The following NDUFS7 variants were observed in gnomAD, a reference collection of about 807,000 sequenced individuals.
The protein encoded by NDUFS7 is NADH dehydrogenase [ubiquinone] iron-sulfur protein 7, mitochondrial.
Under a neutral mutation model 31.1 loss-of-function variants are expected in NDUFS7, and 11 were observed. The ratio of observed to expected loss-of-function variants is 0.35; its 90% confidence interval spans 0.22 to 0.59. The LOEUF is 0.59. NDUFS7 is among the 20% of genes least tolerant of loss of function. The pLI, the probability that NDUFS7 is intolerant of heterozygous loss-of-function variation, is 0.79. For missense variants in NDUFS7, 263 were observed against 324.2 expected (o/e 0.81, Z 1.45); for synonymous variants, 136 against 127.9 (o/e 1.06, Z -0.43).
chr19:1,391,054 G>A lies in NDUFS7; in HGVS notation c.408+4G>A, dbSNP rs902742253. 9 of 1,612,972 alleles carry A rather than the reference G, an allele frequency of 5.6e-6. No individual in the cohort carries two copies. The African/African-American group carries it at 1.1e-4, about 19-fold the overall frequency. On this transcript the variant is annotated splice_donor_region_variant and intron_variant, in intron 5 of 7. Transcript: ENST00000233627. ...GATGGCCCCAGCGCTTCGCAAGGTAGGCCTCGTCCCAGCCGCCCAGCCGCC... is the reference window on the plus strand; with the variant it reads ...GATGGCCCCAGCGCTTCGCAAGGTAAGCCTCGTCCCAGCCGCCCAGCCGCC...
At chr19:1,391,304 C>T (rs114528449) in intron 6 of NDUFS7, 139 bp downstream of exon 6, 20 of 1,099,534 alleles carry the variant, frequency 1.8e-5, no homozygotes, top group Middle Eastern at 2.9e-4. Flanking sequence ...TCAGCCGTCT[C>T]GGTGCCTCCA....
At chr19:1,392,256 G>C (rs1043514031) in intron 6 of NDUFS7, 1 of 152,138 alleles carries the variant, frequency 6.6e-6, no homozygotes. Context: ...GGGCTCAAGC[G>C]GTCCCCCAAC....
rs112317574 is a variant in NDUFS7 at position 1,393,444 on chromosome 19, C to A, written c.544+114C>A. On this transcript the variant is annotated intron_variant, in intron 7 of 7. Coordinates refer to ENST00000233627, the MANE Select transcript of NDUFS7 (RefSeq NM_024407.5). The surrounding 1 kb of genome is among the most constrained non-coding windows in gnomAD (Gnocchi z 7.3). ...ACCCCCAGCAGACGGCGGGCTCCCCCATCCTATGGATGGGCCGACTCGGAG... is the reference window on the plus strand; with the variant it reads ...ACCCCCAGCAGACGGCGGGCTCCCCAATCCTATGGATGGGCCGACTCGGAG... 2 of 879,368 alleles carry A rather than the reference C, an allele frequency of 2.3e-6. No homozygotes were observed. The highest frequency in any genetic ancestry group is 2.8e-5 in the South Asian group (2 of 70,934). The allele number at this position is 879,368 out of a possible 1,614,324, so 54.5% of individuals were successfully genotyped here. A position where few individuals can be genotyped will look rare whatever the true frequency, so the allele number is the denominator to read the frequency against.
At chr19:1,387,774 G>A (rs746773699) in intron 1 of NDUFS7, 37 bp from the exon 2 acceptor site, 10 of 1,607,332 alleles carry the variant, frequency 6.2e-6, no homozygotes, top group Admixed American at 1.7e-5. Flanking sequence ...CGTGCTGCCC[G>A]CAGCTCACTG....
chr19:1,394,874 C>T, intron 7 of NDUFS7: 3 of 1,125,758 alleles, frequency 2.7e-6, no homozygotes, highest in South Asian at 2.1e-5. Flanking sequence ...TGTTCTGAAC[C>T]TGCGTGGCAG....
chr19:1,387,643 C>G (rs1318017789), intron 1 of NDUFS7, 168 bp from the exon 2 acceptor site: 1 of 667,516 alleles, frequency 1.5e-6, no homozygotes. Context: ...GGGACTAAGA[C>G]TCTCTCGTGT....
At position 1,393,895 on chromosome 19, in the gene NDUFS7, T is replaced by G. The variant is rs2082574338; in HGVS notation, c.544+565T>G. 1 of 233,960 alleles carries G rather than the reference T, an allele frequency of 4.3e-6. No individual in the cohort carries two copies. The highest frequency in any genetic ancestry group is 8.5e-6 in the Non-Finnish European group (1 of 117,142). 14.5% of individuals were successfully genotyped at this position (233,960 alleles called of 1,614,324 possible). A position where few individuals can be genotyped will look rare whatever the true frequency, so the allele number is the denominator to read the frequency against. ...AGAGCATTGGCTGCATACCTGAAAT[T>G]CACATCGCACCGGGAACATTCTTTA... On this transcript the variant is annotated intron_variant, in intron 7 of 7. Transcript: ENST00000233627. The surrounding 1 kb of genome is among the most constrained non-coding windows in gnomAD (Gnocchi z 7.3).
chr19:1,389,009 C>T, intron 4 of NDUFS7, 71 bp downstream of exon 4: 1 of 1,269,972 alleles, frequency 7.9e-7, no homozygotes, highest in South Asian at 1.3e-5. Context: ...CACACACATA[C>T]ACACACCAAC....
At chr19:1,394,762 C>G (rs1450911243) in intron 7 of NDUFS7, 1 of 1,185,170 alleles carries the variant, frequency 8.4e-7, no homozygotes, top group Admixed American at 3.7e-5. Flanking sequence ...TGGGGCCTGG[C>G]CGCCCTTTCC....
chr19:1,394,587 T>G, intron 7 of NDUFS7: 1 of 1,207,808 alleles, frequency 8.3e-7, no homozygotes, highest in Non-Finnish European at 1.1e-6. Context: ...CGGACCGCGC[T>G]CGGCCCTCCC....
chr19:1,388,267 C>T (rs2082522929), intron 2 of NDUFS7: 2 of 596,594 alleles, frequency 3.4e-6, no homozygotes, highest in South Asian at 3.9e-5. Flanking sequence ...GTGGATGATC[C>T]TGGGACCGTC....
At chr19:1,389,407 A>G (rs1430672539) in intron 4 of NDUFS7, 1 of 459,236 alleles carries the variant, frequency 2.2e-6, no homozygotes, top group Non-Finnish European at 4.4e-6. Flanking sequence ...ACACTCACTG[A>G]TGCACACACA....
chr19:1,388,572 T>C lies in NDUFS7; in HGVS notation c.101T>C (p.Val34Ala), dbSNP rs1180392796. Residue 34 changes from valine to alanine, a missense_variant, in exon 3 of 8, where the codon GTG (valine) becomes GCG (alanine). Transcript: ENST00000233627. ...CAGGCACGAGGTGTCCATCAGAGCG[T>C]GGCCACCGATGGCCCAAGCAGGTGA... ...AVQARGVHQS[V>A]ATDGPSSTQP... 1 of 1,612,136 alleles carries C rather than the reference T, an allele frequency of 6.2e-7. No individual in the cohort carries two copies. The highest frequency in any genetic ancestry group is 1.7e-5 in the Admixed American group (1 of 59,990).
rs1024512145 is a variant in NDUFS7 at position 1,393,983 on chromosome 19, C to T, written c.544+653C>T. ...GTCCCACGAGGGCCATCCCCCCGGGCGTTCACCTTGACAGTGGTCCACGGT... is the reference window on the plus strand; with the variant it reads ...GTCCCACGAGGGCCATCCCCCCGGGTGTTCACCTTGACAGTGGTCCACGGT... On this transcript the variant is annotated intron_variant, in intron 7 of 7. Transcript: ENST00000233627. This position sits in a 1 kb window ranked among gnomAD's most constrained non-coding sequence, Gnocchi z 7.3. 9 of 244,986 alleles carry T rather than the reference C, an allele frequency of 3.7e-5. No individual in the cohort carries two copies. The highest frequency in any genetic ancestry group is 6.8e-5 in the African/African-American group (3 of 44,368). The allele number at this position is 244,986 out of a possible 1,614,324, so 15.2% of individuals were successfully genotyped here.
In NDUFS7 at chr19:1,388,885, C is replaced by T. The variant is rs772876915; in HGVS notation, c.175C>T (p.Arg59Trp). The change falls in exon 4 of 8, where the codon CGG becomes TGG. Residue 59 changes from arginine (R) to tryptophan (W), a missense_variant. Coordinates refer to ENST00000233627, the MANE Select transcript of NDUFS7 (RefSeq NM_024407.5). ...AGCCGTGGCTCCCAAACCCAGCAGC[C>T]GGGGCGAGTATGTGGTGGCCAAGCT... ...ARAVAPKPSS[R>W]GEYVVAKLDD... The T allele has an allele frequency of 2.1e-5, 34 of 1,609,294 alleles. No individual in the cohort carries two copies. The East Asian group carries it at 4.3e-4, about 20-fold the overall frequency.
rs558010110 is a variant in NDUFS7 at position 1,392,803 on chromosome 19, G to T, written c.456-439G>T. Reference sequence around the variant, plus strand: ...GGAAGCAGTGCTGGGAGTGGAGTCTGTGTGGTCTCCTGGGGTTTCCAGCTC... The same window carrying T: ...GGAAGCAGTGCTGGGAGTGGAGTCTTTGTGGTCTCCTGGGGTTTCCAGCTC... On this transcript the variant is annotated intron_variant, in intron 6 of 7. Transcript: ENST00000233627. 233 of 259,560 alleles carry T rather than the reference G, an allele frequency of 9.0e-4. 1 individual carries two copies. The highest frequency in any genetic ancestry group is 1.4e-3 in the Middle Eastern group (1 of 710). 16.1% of individuals were successfully genotyped at this position (259,560 alleles called of 1,614,324 possible).
In NDUFS7 at chr19:1,389,161, G is replaced by T. The variant is rs577305228; in HGVS notation, c.228+223G>T. 8.9e-5 allele frequency: 62 copies of T among 698,294 alleles called. 1 individual carries two copies. The highest frequency in any genetic ancestry group is 8.7e-4 in the African/African-American group (50 of 57,154). The allele number at this position is 698,294 out of a possible 1,614,324, so 43.3% of individuals were successfully genotyped here. A position where few individuals can be genotyped will look rare whatever the true frequency, so the allele number is the denominator to read the frequency against. On this transcript the variant is annotated intron_variant, in intron 4 of 7. Coordinates refer to ENST00000233627, the MANE Select transcript of NDUFS7 (RefSeq NM_024407.5). Reference sequence around the variant, plus strand: ...TGCACATATGCACACTCGCACACATGCACACTTGCACACACATGCACACAC... The same window carrying T: ...TGCACATATGCACACTCGCACACATTCACACTTGCACACACATGCACACAC...
chr19:1,392,770 C>G (rs114320400), intron 6 of NDUFS7: 1 of 205,494 alleles, frequency 4.9e-6, no homozygotes, highest in Admixed American at 5.3e-5. Context: ...TCCATTTTTA[C>G]GGCTGTGGGA....
Position 1,383,922 on chromosome 19 carries a change from C to G in NDUFS7, c.-5C>G, listed in dbSNP as rs1302870636. ...CTCAGAGGTTGTCTGAAGGCCGAGG[C>G]CAAGATGGCGGTGCTGTCAGGTGAG... is the stretch of plus-strand genomic sequence containing the variant. On this transcript the variant is annotated 5_prime_UTR_variant, in exon 1 of 8. Coordinates refer to ENST00000233627, the MANE Select transcript of NDUFS7 (RefSeq NM_024407.5). The G allele has an allele frequency of 1.9e-6, 3 of 1,581,184 alleles. No homozygotes were observed. Among genetic ancestry groups the G allele is most frequent in the Non-Finnish European group, 1.7e-6 (2 of 1,164,796 alleles).
Sources: gnomAD v4.1 joint callset for allele counts on GRCh38, gnomAD v4.1.1 for gene constraint, Gnocchi (gnomAD v3.1) non-coding constraint, MANE v1.5 for transcripts, NCBI Gene and HGNC (gene_info 2026-07-23, HGNC 2026-07-21) for gene names.